Variants in AK9 observed in about 807,000 individuals in gnomAD.
The protein encoded by AK9 is adenylate kinase 9.
AK9 carries 191 observed loss-of-function variants against 239.6 expected under a neutral mutation model. That is an observed-to-expected ratio of 0.80 (90% CI 0.71 to 0.90). The LOEUF (loss-of-function observed/expected upper bound fraction) is 0.90. Among genes scored for constraint, AK9 ranks in the 40% least tolerant of loss-of-function variants. AK9 has a pLI of 0.00. For missense variants in AK9, 1,995 were observed against 2,214.7 expected, an observed-to-expected ratio of 0.90 and a Z score of 1.99; for synonymous variants, 689 against 721.0, an observed-to-expected ratio of 0.96 and a Z score of 0.71.
At chr6:109,680,995 A>G (rs1772545079) in intron 1 of AK9, among the ~76,000 whole-genome samples, 1 of 152,232 alleles carries the variant, frequency 6.6e-6, no homozygotes, top group South Asian at 2.1e-4. Flanking sequence ...TGAAAAACAT[A>G]CCAAATTGTA....
chr6:109,608,761 CAAGAT>C (rs1793225776), intron 17 of AK9, among the ~76,000 whole-genome samples: 1 of 151,966 alleles, frequency 6.6e-6, no homozygotes, highest in African/African-American at 2.4e-5. Flanking sequence ...TTATTCAAGA[CAAGAT>C]ATTTGTAAAG....
intron 1 of AK9, among the ~76,000 whole-genome samples, chr6:109,684,336 G>A (rs980433962): frequency 2.6e-5 from 4 of 152,028 alleles, no homozygotes; most frequent in South Asian, 2.1e-4. Context: ...ACATAGGCAC[G>A]GGCAAAGACT....
intron 8 of AK9, among the ~76,000 whole-genome samples, chr6:109,647,672 C>G (rs1798269761): frequency 6.6e-6 from 1 of 152,164 alleles, no homozygotes; most frequent in South Asian, 2.1e-4. Flanking sequence ...CAACATTAGA[C>G]AGATCAACGA....
chr6:109,603,344 C>A (rs947602592), intron 17 of AK9, among the ~76,000 whole-genome samples: 1 of 152,212 alleles, frequency 6.6e-6, no homozygotes, highest in Admixed American at 6.5e-5. Flanking sequence ...CCACTCCAGA[C>A]CCTGTTTGCC....
chr6:109,612,085 C>G lies in AK9; in HGVS notation c.1618G>C (p.Glu540Gln). ...AAKVDKDDGK[E>Q]TGETFTFKRH... ...TTAAATGTGAATGTTTCACCAGTTT[C>G]TTTTCCATCTGTGAATAAAACATTG... The change falls in exon 16 of 41, where the codon GAA becomes CAA. Residue 540 changes from glutamate (E) to glutamine (Q), a missense_variant. Glu to Gln is a conservative substitution (Grantham distance 29). Around this residue, in one of 5 missense-constraint regions of AK9, gnomAD observed 1,290 missense variants for 1,392.7 expected, o/e 0.93. Transcript: ENST00000424296. 6.5e-7 allele frequency: 1 copy of G among 1,535,098 alleles called. No individual in the cohort carries two copies. Among genetic ancestry groups the G allele is most frequent in the Non-Finnish European group, 8.8e-7 (1 of 1,139,212 alleles).
rs745687992 is a variant in AK9, at chr6:109,516,490, G to T, written c.3786C>A (p.Arg1262=). 1.3e-6 allele frequency: 2 copies of T among 1,551,578 alleles called. No individual in the cohort carries two copies. The highest frequency in any genetic ancestry group is 2.4e-5 in the South Asian group (2 of 84,040). Reference sequence around the variant, plus strand: ...ATTTTTCTCCTAGTTCACCTCTCAGGCGCTCAATTGCATCAGTTTCCTGTT... The same window carrying T: ...ATTTTTCTCCTAGTTCACCTCTCAGTCGCTCAATTGCATCAGTTTCCTGTT... ...DEEQETDAIE[R]LRGELGEKFE... Residue 1262 remains arginine, a synonymous_variant, in exon 30 of 41, where the codon CGC becomes CGA. Transcript: ENST00000424296.
At chr6:109,671,462 A>G (rs1277657876) in intron 5 of AK9, among the ~76,000 whole-genome samples, 8 of 152,222 alleles carry the variant, frequency 5.3e-5, no homozygotes, top group Non-Finnish European at 1.2e-4. Context: ...CCAGAGTCAG[A>G]GGGCAGACTG....
At chr6:109,582,304 T>C (rs923498660) in intron 19 of AK9, among the ~76,000 whole-genome samples, 5 of 152,180 alleles carry the variant, frequency 3.3e-5, no homozygotes, top group African/African-American at 1.2e-4. Flanking sequence ...ATTCCTCTAA[T>C]AGATCTGAGC....
intron 12 of AK9, among the ~76,000 whole-genome samples, chr6:109,623,432 TA>T (rs889954363): frequency 2.6e-5 from 4 of 152,124 alleles, no homozygotes; most frequent in Admixed American, 1.3e-4. Flanking sequence ...TGAGGACACA[TA>T]AGCAGTCCTA....
intron 25 of AK9, chr6:109,549,727 G>A (rs1357732910): frequency 5.0e-5 from 7 of 138,806 alleles, no homozygotes; most frequent in African/African-American, 1.0e-4. Context: ...GCGCAGTGGC[G>A]CGATCTCGAC....
chr6:109,621,953 C>CAA (rs376483185), intron 12 of AK9, among the ~76,000 whole-genome samples: 2 of 79,474 alleles, frequency 2.5e-5, no homozygotes, highest in Admixed American at 1.2e-4. Context: ...GCAAAAAAAA[C>CAA]AAAAAAAAAA....
intron 17 of AK9, among the ~76,000 whole-genome samples, chr6:109,602,984 T>C (rs1188409080): frequency 6.6e-6 from 1 of 152,216 alleles, no homozygotes; most frequent in Admixed American, 6.5e-5. Flanking sequence ...TAATCTTTTT[T>C]CAAGGTTTTT....
intron 17 of AK9, among the ~76,000 whole-genome samples, chr6:109,598,149 G>A (rs558506560): frequency 1.3e-5 from 2 of 152,102 alleles, no homozygotes; most frequent in Non-Finnish European, 1.5e-5. Flanking sequence ...ATGTACACAC[G>A]TGCCATGCTG....
chr6:109,554,528 T>TGC (rs1253736947), intron 24 of AK9, among the ~76,000 whole-genome samples: 1 of 31,010 alleles, frequency 3.2e-5, no homozygotes, highest in Admixed American at 5.3e-4. Context: ...TTCTTTTCTT[T>TGC]TTTTTTTTTT....
intron 36 of AK9, 81 bp downstream of exon 36, chr6:109,498,963 G>A: frequency 2.4e-6 from 3 of 1,238,220 alleles, no homozygotes; most frequent in Non-Finnish European, 3.2e-6. Flanking sequence ...GTTTCTGGGT[G>A]CCTATCCCTT....
In AK9 at chr6:109,603,459, G is replaced by A. The variant is rs550522010; in HGVS notation, c.1842+6906C>T. Among the ~76,000 whole-genome samples the A allele has an allele frequency of 2.0e-3, 311 of 152,140 alleles. 1 individual carries two copies. Among genetic ancestry groups the A allele is most frequent in the Non-Finnish European group, 3.2e-3 (215 of 68,022 alleles). On this transcript the variant is annotated intron_variant, in intron 17 of 40. Coordinates refer to ENST00000424296, the MANE Select transcript of AK9 (RefSeq NM_001145128.3). The stretch of plus-strand genomic sequence containing the variant: ...CTTCGTCTCAGAGGGGTACCTGGCC[G>A]TGTGAGGTGTCAGTCTGCCCCTACT...
intron 12 of AK9, among the ~76,000 whole-genome samples, chr6:109,625,405 T>C (rs1333399835): frequency 1.3e-5 from 2 of 152,192 alleles, no homozygotes; most frequent in Non-Finnish European, 2.9e-5. Flanking sequence ...ATTTAACATA[T>C]CAATTTTTCT....
At chr6:109,516,370 C>T in intron 30 of AK9, 60 bp downstream of exon 30, 2 of 1,412,012 alleles carry the variant, frequency 1.4e-6, no homozygotes, top group Non-Finnish European at 1.9e-6. Flanking sequence ...AACTAAATTG[C>T]TTTAGTCTGA....
rs115086357 is a variant in AK9, at chr6:109,520,206, A to G, written c.3634-3564T>C. Reference sequence around the variant, plus strand: ...TTATTTCCCAAAGCCAATGTCCAGAATGGTGTTTCCCAGGTTTTCTTCTAG... The same window carrying G: ...TTATTTCCCAAAGCCAATGTCCAGAGTGGTGTTTCCCAGGTTTTCTTCTAG... On this transcript the variant is annotated intron_variant, in intron 29 of 40. Transcript: ENST00000424296. 7.5e-3 allele frequency among the ~76,000 whole-genome samples: 1,137 copies of G among 152,260 alleles called. 17 individuals carry two copies. Among genetic ancestry groups the G allele is most frequent in the African/African-American group, 0.026 (1,087 of 41,554 alleles).
Sources: allele counts gnomAD v4.1 joint callset (sites outside exome capture counted in the v4.1 genomes callset), GRCh38; gene constraint gnomAD v4.1.1; regional missense constraint gnomAD v4.1.1; transcripts MANE v1.5; gene names NCBI Gene and HGNC (gene_info 2026-07-23, HGNC 2026-07-21).